The following EFHC2 variants were observed in gnomAD, a reference collection of about 807,000 sequenced individuals.
EFHC2 encodes EF-hand domain-containing family member C2.
In EFHC2, 18 loss-of-function variants were observed where a neutral mutation model predicts 52.7. That is an observed-to-expected ratio of 0.34 (90% CI 0.24 to 0.51). The LOEUF is 0.51. Ranked by LOEUF, EFHC2 falls within the 20% of genes least tolerant of loss-of-function variation. The probability of loss-of-function intolerance (pLI) is 0.97; values close to 1 mark genes in which losing one functional copy is unlikely to be tolerated. For synonymous variants in EFHC2, 203 were observed against 204.1 expected (o/e 0.99, Z 0.04); for missense variants, 513 against 562.5 (o/e 0.91, Z 0.89).
chrX:44,277,724 A>T (rs990538961), intron 2 of EFHC2, among the ~76,000 whole-genome samples: 4 of 111,498 alleles, frequency 3.6e-5, no homozygotes, highest in Non-Finnish European at 5.7e-5. Context: ...AATAAATTTT[A>T]AAAACAGAAA....
intron 1 of EFHC2, among the ~76,000 whole-genome samples, chrX:44,313,657 A>T (rs1015424817): frequency 8.9e-6 from 1 of 111,923 alleles, no homozygotes; most frequent in Non-Finnish European, 1.9e-5. Flanking sequence ...ACACGTATCA[A>T]TATAGACAAA....
At chrX:44,326,888 C>T (rs1173208192) in intron 1 of EFHC2, among the ~76,000 whole-genome samples, 1 of 108,479 alleles carries the variant, frequency 9.2e-6, no homozygotes, top group Non-Finnish European at 1.9e-5. Context: ...GCCACCACAC[C>T]TGGCTAATTT....
intron 13 of EFHC2, among the ~76,000 whole-genome samples, chrX:44,172,679 GCA>G (rs1457629578): frequency 6.2e-5 from 7 of 112,231 alleles, no homozygotes; most frequent in African/African-American, 9.7e-5. Flanking sequence ...TTGGCCTGGA[GCA>G]CAGTCTTTCA....
chrX:44,229,240 T>C (rs775621973), intron 11 of EFHC2, among the ~76,000 whole-genome samples: 1 of 112,384 alleles, frequency 8.9e-6, no homozygotes, highest in Non-Finnish European at 1.9e-5. Context: ...CGGTGAAGTT[T>C]TTACTATTTT....
intron 10 of EFHC2, among the ~76,000 whole-genome samples, chrX:44,231,242 TCA>T (rs1261441901): frequency 8.9e-6 from 1 of 111,786 alleles, no homozygotes; most frequent in Non-Finnish European, 1.9e-5. Context: ...CCTTCCGGAT[TCA>T]CACAGAGTTC....
chrX:44,274,905 T>G (rs2037644397), intron 2 of EFHC2, among the ~76,000 whole-genome samples: 1 of 110,857 alleles, frequency 9.0e-6, no homozygotes, highest in Admixed American at 9.7e-5. Flanking sequence ...AAAATAATTT[T>G]TTTTAAAAAA....
chrX:44,299,637 G>T (rs1297687827), intron 2 of EFHC2, among the ~76,000 whole-genome samples: 1 of 111,651 alleles, frequency 9.0e-6, no homozygotes, highest in African/African-American at 3.3e-5. Flanking sequence ...AAAGCAAGCT[G>T]TACCCCGACC....
At chrX:44,326,717 ATTTTTT>A (rs773265380) in intron 1 of EFHC2, among the ~76,000 whole-genome samples, 3 of 45,046 alleles carry the variant, frequency 6.7e-5, no homozygotes, top group Admixed American at 3.2e-4. Context: ...ATGGAGTCTG[ATTTTTT>A]TTTTTTTTTT....
intron 11 of EFHC2, among the ~76,000 whole-genome samples, chrX:44,188,684 C>T (rs1278141593): frequency 9.0e-6 from 1 of 111,297 alleles, no homozygotes; most frequent in African/African-American, 3.3e-5. Context: ...GCGAGAAATC[C>T]AGGAAAGCTT....
At chrX:44,285,219 A>G (rs2037742097) in intron 2 of EFHC2, 1 of 111,791 alleles carries the variant, frequency 8.9e-6, no homozygotes, top group African/African-American at 3.3e-5. Context: ...TTCCTGAGTG[A>G]TTATTCCACC....
chrX:44,272,586 C>T, intron 3 of EFHC2, 100 bp downstream of exon 3: 2 of 911,139 alleles, frequency 2.2e-6, no homozygotes, highest in Non-Finnish European at 3.0e-6. Context: ...GTTAGACAGC[C>T]TAAACAGTAG....
At chrX:44,221,263 G>C (rs969597565) in intron 11 of EFHC2, among the ~76,000 whole-genome samples, 1 of 111,277 alleles carries the variant, frequency 9.0e-6, no homozygotes, top group African/African-American at 3.3e-5. Flanking sequence ...TTTTGCCATA[G>C]AGAGAGATAA....
chrX:44,316,585 G>A lies in EFHC2; in HGVS notation c.43-3829C>T, dbSNP rs772732470. Among the ~76,000 whole-genome samples, 3 of 103,926 alleles carry A rather than the reference G, an allele frequency of 2.9e-5. No homozygotes were observed. The Admixed American group carries it at 3.2e-4, about 11-fold the overall frequency. 90.2% of individuals were successfully genotyped at this position (103,926 alleles called of 115,157 possible). ...CATAGAATGAAGTTTGGGTGAGGTG[G>A]CTCAAGCCTGTATCCCAGCAACACT... On this transcript the variant is annotated intron_variant, in intron 1 of 14. Transcript: ENST00000420999.
At chrX:44,167,715 C>A (rs1225033671) in intron 13 of EFHC2, among the ~76,000 whole-genome samples, 2 of 111,684 alleles carry the variant, frequency 1.8e-5, no homozygotes, top group Non-Finnish European at 3.8e-5. Flanking sequence ...CCAAGTTTTC[C>A]TTTTCAGTTC....
intron 5 of EFHC2, among the ~76,000 whole-genome samples, chrX:44,249,866 C>A (rs147778020): frequency 5.7e-4 from 64 of 112,476 alleles, no homozygotes; most frequent in African/African-American, 1.9e-3. Flanking sequence ...CTGCAGTGCC[C>A]TGTCCAAAGC....
intron 11 of EFHC2, among the ~76,000 whole-genome samples, chrX:44,183,867 T>C (rs760016116): frequency 1.6e-4 from 18 of 111,994 alleles, no homozygotes; most frequent in Non-Finnish European, 3.2e-4. Context: ...TTGTTTTCAA[T>C]TGGGAGGCAG....
At chrX:44,200,776 C>A (rs1442214921) in intron 11 of EFHC2, among the ~76,000 whole-genome samples, 3 of 110,894 alleles carry the variant, frequency 2.7e-5, no homozygotes, top group Non-Finnish European at 5.7e-5. Flanking sequence ...ATAAATAGTC[C>A]CAAGATGCAT....
intron 13 of EFHC2, among the ~76,000 whole-genome samples, chrX:44,170,015 G>A (rs990401656): frequency 1.2e-4 from 13 of 111,671 alleles, no homozygotes; most frequent in Non-Finnish European, 2.3e-4. Flanking sequence ...GGTCTGGGGG[G>A]TGGAGAAGAA....
At chrX:44,236,507 C>T (rs995417024) in intron 8 of EFHC2, among the ~76,000 whole-genome samples, 3 of 112,484 alleles carry the variant, frequency 2.7e-5, no homozygotes, top group Non-Finnish European at 5.6e-5. Context: ...ATCATTCTTT[C>T]CTTGTGTTCA....
Sources: allele counts gnomAD v4.1 joint callset (sites outside exome capture counted in the v4.1 genomes callset), GRCh38; gene constraint gnomAD v4.1.1; transcripts MANE v1.5; gene names NCBI Gene and HGNC (gene_info 2026-07-23, HGNC 2026-07-21).